ERC1: variants seen among roughly 807,000 people sequenced by gnomAD.
The protein encoded by ERC1 is RAB6 interacting protein 2.
Under a neutral mutation model 132.0 loss-of-function variants are expected in ERC1, and 56 were observed. The ratio of observed to expected loss-of-function variants is 0.42; its 90% confidence interval spans 0.34 to 0.53. The LOEUF (loss-of-function observed/expected upper bound fraction) is 0.53, where lower values mean the gene tolerates loss of function less well. ERC1 is among the 20% of genes least tolerant of loss of function. ERC1 has a pLI of 0.03. For synonymous variants in ERC1, 478 were observed against 476.1 expected (o/e 1.00, Z -0.05); for missense variants, 1,202 against 1,349.9 (o/e 0.89, Z 1.72).
At chr12:1,475,391 G>T (rs2093950006) in intron 18 of ERC1, among the ~76,000 whole-genome samples, 1 of 152,192 alleles carries the variant, frequency 6.6e-6, no homozygotes, top group South Asian at 2.1e-4. Flanking sequence ...AATTCACCAA[G>T]GAGCTTGAAG....
chr12:1,306,996 A>G (rs1417796077), intron 15 of ERC1, among the ~76,000 whole-genome samples: 1 of 152,156 alleles, frequency 6.6e-6, no homozygotes, highest in Non-Finnish European at 1.5e-5. Flanking sequence ...CATCCTGGGA[A>G]GTGCTGACGG....
chr12:1,212,765 C>G (rs1197183789), intron 12 of ERC1, among the ~76,000 whole-genome samples: 1 of 152,198 alleles, frequency 6.6e-6, no homozygotes, highest in Non-Finnish European at 1.5e-5. Flanking sequence ...GGCCAGGCTC[C>G]TCCCTGCTGC....
chr12:1,211,242 G>C (rs1237121277), intron 12 of ERC1, among the ~76,000 whole-genome samples: 2 of 152,056 alleles, frequency 1.3e-5, no homozygotes, highest in African/African-American at 4.8e-5. Context: ...TCCGCCTCCT[G>C]TTTTCAAGCG....
chr12:1,370,350 T>C (rs1368607859), intron 15 of ERC1, among the ~76,000 whole-genome samples: 1 of 152,242 alleles, frequency 6.6e-6, no homozygotes, highest in Non-Finnish European at 1.5e-5. Flanking sequence ...TGTTTCAAAG[T>C]GTGCAGATCA....
chr12:1,112,458 G>C (rs1036444673), intron 6 of ERC1, among the ~76,000 whole-genome samples, 160 bp downstream of exon 6: 1 of 152,160 alleles, frequency 6.6e-6, no homozygotes, highest in Non-Finnish European at 1.5e-5. Flanking sequence ...ACTGACTCCT[G>C]TTCACTAGTT....
chr12:1,060,367 C>T (rs966863662), intron 2 of ERC1, among the ~76,000 whole-genome samples: 2 of 151,732 alleles, frequency 1.3e-5, no homozygotes, highest in Non-Finnish European at 2.9e-5. Context: ...TGATGTTCCC[C>T]TTCCTGTGTC....
chr12:1,247,381 A>T (rs1446052876), intron 13 of ERC1, among the ~76,000 whole-genome samples: 2 of 152,244 alleles, frequency 1.3e-5, no homozygotes, highest in African/African-American at 4.8e-5. Flanking sequence ...TACTATGGTT[A>T]TGTAAACCAT....
At chr12:1,385,217 A>C (rs2089180884) in intron 16 of ERC1, among the ~76,000 whole-genome samples, 1 of 152,052 alleles carries the variant, frequency 6.6e-6, no homozygotes, top group Non-Finnish European at 1.5e-5. Flanking sequence ...ATTTCTGCTA[A>C]ATGAAAGATT....
rs1955540150 is a variant in ERC1 at position 1,190,002 on chromosome 12, G to C, written c.2301G>C (p.Glu767Asp). 1 of 1,613,864 alleles carries C rather than the reference G, an allele frequency of 6.2e-7. No homozygotes were observed. The highest frequency in any genetic ancestry group is 8.5e-7 in the Non-Finnish European group (1 of 1,179,980). The change falls in exon 12 of 19, where the codon GAG becomes GAC. Residue 767 changes from glutamate (E) to aspartate (D), a missense_variant. Glu to Asp is a conservative substitution (Grantham distance 45). Transcript: ENST00000360905. ...ATCGACTCTTAGAAATCTTGAAGGA[G>C]GTGGAAAATGAGAAGAATGACAAAG... ...EVDRLLEILK[E>D]VENEKNDKDK...
Position 1,421,949 on chromosome 12 carries a change from C to T in ERC1, c.3024+13702C>T, listed in dbSNP as rs969778504. ...GCTGAGGCAGGAGAATTGCTTGAACCAGGGAGGCAGAGGTTGTAGTAAGCC... is the reference window on the plus strand; with the variant it reads ...GCTGAGGCAGGAGAATTGCTTGAACTAGGGAGGCAGAGGTTGTAGTAAGCC... On this transcript the variant is annotated intron_variant, in intron 17 of 18. Transcript: ENST00000360905. 3.9e-5 allele frequency among the ~76,000 whole-genome samples: 6 copies of T among 152,162 alleles called. No homozygotes were observed. The East Asian group carries it at 1.2e-3, about 29-fold the overall frequency.
At chr12:1,454,190 C>G (rs564903069) in intron 18 of ERC1, among the ~76,000 whole-genome samples, 1 of 152,148 alleles carries the variant, frequency 6.6e-6, no homozygotes, top group Non-Finnish European at 1.5e-5. Context: ...GATAGCCAGC[C>G]GAACACACGG....
At chr12:1,268,649 A>G (rs1020634075) in intron 14 of ERC1, among the ~76,000 whole-genome samples, 2 of 152,028 alleles carry the variant, frequency 1.3e-5, no homozygotes, top group African/African-American at 4.8e-5. Flanking sequence ...ACCTGTAGTC[A>G]CAGCTACTCG....
chr12:1,421,184 T>G (rs1208334024), intron 17 of ERC1, among the ~76,000 whole-genome samples: 3 of 152,222 alleles, frequency 2.0e-5, no homozygotes, highest in Non-Finnish European at 4.4e-5. Context: ...ATAGTCACCT[T>G]ATAGTGCTAT....
upstream of ERC1, chr12:990,153 T>C (rs1200832730): frequency 2.0e-5 from 3 of 152,096 alleles, no homozygotes; most frequent in East Asian, 5.8e-4. Flanking sequence ...TATGAGGCAG[T>C]ATAAAGTGGT....
intron 16 of ERC1, among the ~76,000 whole-genome samples, chr12:1,391,787 A>G (rs2154382770): frequency 6.6e-6 from 1 of 152,196 alleles, no homozygotes; most frequent in East Asian, 1.9e-4. Flanking sequence ...TTTCCTTTGG[A>G]GGCTTCTTTG....
intron 18 of ERC1, among the ~76,000 whole-genome samples, chr12:1,451,805 A>C (rs998149205): frequency 6.6e-6 from 1 of 152,178 alleles, no homozygotes; most frequent in African/African-American, 2.4e-5. Context: ...TTGAAGTCTT[A>C]ACCCTCAGTA....
rs148792210 is a variant in ERC1 at position 1,148,015 on chromosome 12, G to A, written c.1737+6228G>A. Among the ~76,000 whole-genome samples the A allele has an allele frequency of 2.4e-3, 363 of 152,126 alleles. 1 individual carries two copies. Among genetic ancestry groups the A allele is most frequent in the African/African-American group, 7.6e-3 (317 of 41,480 alleles). On this transcript the variant is annotated intron_variant, in intron 8 of 18. Transcript: ENST00000360905. ...AACCAAAGTGTTGAAAGATTGCGTG[G>A]GTCTTCAGTCATTAAACTTTGCCTT...
At chr12:1,185,728 G>GT (rs1395204367) in intron 11 of ERC1, among the ~76,000 whole-genome samples, 1,467 of 136,320 alleles carry the variant, frequency 0.011, 25 homozygotes, top group African/African-American at 0.044. Context: ...GGAACTCTAG[G>GT]TTGTTTTTTT....
At chr12:1,474,061 C>G (rs894704122) in intron 18 of ERC1, among the ~76,000 whole-genome samples, 1 of 152,190 alleles carries the variant, frequency 6.6e-6, no homozygotes, top group African/African-American at 2.4e-5. Flanking sequence ...TATTTTATGT[C>G]TTCGTATCTC....
Sources: gnomAD v4.1 joint callset for allele counts (sites outside exome capture counted in the v4.1 genomes callset) on GRCh38, gnomAD v4.1.1 for gene constraint, MANE v1.5 for transcripts, NCBI Gene and HGNC (gene_info 2026-07-23, HGNC 2026-07-21) for gene names.